Variants in CSMD1 observed in about 807,000 individuals in gnomAD.
The protein encoded by CSMD1 is CUB and sushi domain-containing protein 1.
In CSMD1, 213 loss-of-function variants were observed where a neutral mutation model predicts 417.5. The observed-to-expected ratio is 0.51, with a 90% confidence interval of 0.46 to 0.57. CSMD1 has a LOEUF of 0.57. Ranked by LOEUF, CSMD1 falls within the 20% of genes least tolerant of loss-of-function variation. CSMD1 has a pLI of 0.00. For synonymous variants in CSMD1, 2,862 were observed against 1,736.8 expected (o/e 1.65, Z -16.11); for missense variants, 6,923 against 4,529.7 (o/e 1.53, Z -15.17).
intron 5 of CSMD1, among the ~76,000 whole-genome samples, chr8:3,867,401 T>G (rs1805178121): frequency 6.6e-6 from 1 of 152,170 alleles, no homozygotes; most frequent in Non-Finnish European, 1.5e-5. Context: ...ATTCTTTTCT[T>G]TTAAGGATAC....
chr8:3,517,912 G>T (rs529085200), intron 10 of CSMD1, among the ~76,000 whole-genome samples: 367 of 152,170 alleles, frequency 2.4e-3, no homozygotes, highest in African/African-American at 8.6e-3. Flanking sequence ...AGAGTTCGGG[G>T]CCTCCTTCCA....
intron 3 of CSMD1, among the ~76,000 whole-genome samples, chr8:4,118,066 A>G (rs1802262177): frequency 6.6e-6 from 1 of 152,102 alleles, no homozygotes; most frequent in African/African-American, 2.4e-5. Flanking sequence ...AGGGTGTAAC[A>G]TCGGCCATAT....
intron 2 of CSMD1, among the ~76,000 whole-genome samples, chr8:4,424,965 G>C (rs965134210): frequency 6.6e-6 from 1 of 151,900 alleles, no homozygotes; most frequent in Admixed American, 6.6e-5. Context: ...AACATATTAA[G>C]ATTAAAATAA....
chr8:3,787,578 T>G (rs1487630694), intron 5 of CSMD1, among the ~76,000 whole-genome samples: 1 of 152,182 alleles, frequency 6.6e-6, no homozygotes, highest in African/African-American at 2.4e-5. Context: ...TCCAGGTACC[T>G]TAATTAAAGA....
At chr8:3,996,050 T>A (rs1815188472) in intron 5 of CSMD1, among the ~76,000 whole-genome samples, 1 of 152,220 alleles carries the variant, frequency 6.6e-6, no homozygotes. Flanking sequence ...AGTGCTACAA[T>A]GGTCCCATCA....
rs955195786 is a variant in CSMD1, at chr8:4,453,276, A to C, written c.303-33211T>G. Among the ~76,000 whole-genome samples, 7 of 151,942 alleles carry C rather than the reference A, an allele frequency of 4.6e-5. No individual in the cohort carries two copies. The South Asian group carries it at 1.2e-3, about 27-fold the overall frequency. On this transcript the variant is annotated intron_variant, in intron 2 of 69. Transcript: ENST00000635120. Reference sequence around the variant, plus strand: ...TCCTAGCTGTACCTAATGTAACCAAAACATGAATTTACACTCCCACTGGCA... The same window carrying C: ...TCCTAGCTGTACCTAATGTAACCAACACATGAATTTACACTCCCACTGGCA...
intron 2 of CSMD1, among the ~76,000 whole-genome samples, chr8:4,462,182 GCAATTGTATTTATCCACAA>G (rs1799876723): frequency 6.6e-6 from 1 of 152,046 alleles, no homozygotes; most frequent in Non-Finnish European, 1.5e-5. Context: ...GCCACAAAAA[GCAATTGTATTTATCCACAA>G]TAGTAATAAG....
chr8:4,814,503 T>C (rs139661220), intron 1 of CSMD1, among the ~76,000 whole-genome samples: 1 of 152,292 alleles, frequency 6.6e-6, no homozygotes, highest in Non-Finnish European at 1.5e-5. Context: ...CACCTCGGCC[T>C]CCCAAAGCGC....
chr8:4,534,248 C>G (rs1796983268), intron 2 of CSMD1, among the ~76,000 whole-genome samples: 1 of 152,122 alleles, frequency 6.6e-6, no homozygotes, highest in South Asian at 2.1e-4. Flanking sequence ...GGGCCTGGCC[C>G]CAAGGATGCT....
chr8:3,587,864 A>G (rs1800672917), intron 8 of CSMD1, among the ~76,000 whole-genome samples: 1 of 152,172 alleles, frequency 6.6e-6, no homozygotes, highest in Non-Finnish European at 1.5e-5. Context: ...TAGGACAACT[A>G]GAGTTCTATG....
intron 1 of CSMD1, among the ~76,000 whole-genome samples, chr8:4,801,102 T>C (rs998161068): frequency 2.0e-5 from 3 of 152,248 alleles, no homozygotes; most frequent in Admixed American, 1.3e-4. Context: ...TGAGCCAAAA[T>C]AAAGAAAAGA....
chr8:4,281,165 G>T (rs1252071139), intron 3 of CSMD1, among the ~76,000 whole-genome samples: 1 of 152,096 alleles, frequency 6.6e-6, no homozygotes, highest in African/African-American at 2.4e-5. Flanking sequence ...CCCACTGATG[G>T]TTTTCAGGTC....
At chr8:3,564,353 A>G (rs1375248838) in intron 10 of CSMD1, among the ~76,000 whole-genome samples, 2 of 152,168 alleles carry the variant, frequency 1.3e-5, no homozygotes, top group African/African-American at 4.8e-5. Context: ...CTCAGTGTCC[A>G]TAAATAACTC....
At chr8:4,755,433 A>G (rs1192275853) in intron 1 of CSMD1, among the ~76,000 whole-genome samples, 4 of 152,142 alleles carry the variant, frequency 2.6e-5, no homozygotes, top group African/African-American at 4.8e-5. Flanking sequence ...CTTATTTACT[A>G]TCTTAATTTT....
At chr8:3,956,885 G>C (rs1184713401) in intron 5 of CSMD1, among the ~76,000 whole-genome samples, 1 of 152,124 alleles carries the variant, frequency 6.6e-6, no homozygotes, top group East Asian at 1.9e-4. Context: ...CAAATGTACA[G>C]GTGATTATCT....
At chr8:3,647,092 G>A (rs1183296055) in intron 7 of CSMD1, among the ~76,000 whole-genome samples, 1 of 152,112 alleles carries the variant, frequency 6.6e-6, no homozygotes, top group South Asian at 2.1e-4. Context: ...TCCAGCCCTT[G>A]TCATGGCAAT....
chr8:4,454,229 C>A (rs1429265719), intron 2 of CSMD1, among the ~76,000 whole-genome samples: 1 of 152,118 alleles, frequency 6.6e-6, no homozygotes, highest in African/African-American at 2.4e-5. Context: ...CCCCCAACAC[C>A]GCCACCCTCC....
chr8:4,918,614 T>C (rs536738152), intron 1 of CSMD1, among the ~76,000 whole-genome samples: 4 of 152,360 alleles, frequency 2.6e-5, no homozygotes, highest in South Asian at 2.1e-4. Context: ...AAGTGATAGC[T>C]GAATCACGTT....
chr8:4,455,722 G>C (rs1286465390), intron 2 of CSMD1, among the ~76,000 whole-genome samples: 1 of 151,720 alleles, frequency 6.6e-6, no homozygotes, highest in African/African-American at 2.4e-5. Flanking sequence ...CCTGAGGTCA[G>C]GAGTTCAAGA....
Sources: gnomAD v4.1 joint callset for allele counts (sites outside exome capture counted in the v4.1 genomes callset) on GRCh38, gnomAD v4.1.1 for gene constraint, MANE v1.5 for transcripts, NCBI Gene and HGNC (gene_info 2026-07-23, HGNC 2026-07-21) for gene names.